The following SMCO4 variants were observed in gnomAD, a reference collection of about 807,000 sequenced individuals.
SMCO4 encodes single-pass membrane protein with coiled-coil domains 4.
A neutral mutation model predicts 3.6 loss-of-function variants in SMCO4; 4 were observed. The ratio of observed to expected loss-of-function variants is 1.11; its 90% CI spans 0.54 to 2.53. SMCO4 has a LOEUF of 2.53. Among genes scored for constraint, SMCO4 ranks in the 30% most tolerant of loss-of-function variants. SMCO4 has a pLI of 0.02. For missense variants in SMCO4, 70 were observed against 80.8 expected, an observed-to-expected ratio of 0.87 and a Z score of 0.51; for synonymous variants, 36 against 35.3, an observed-to-expected ratio of 1.02 and a Z score of -0.07.
chr11:93,545,484 G>A (rs1226496086), upstream of SMCO4, among the ~76,000 whole-genome samples: 1 of 150,936 alleles, frequency 6.6e-6, no homozygotes, highest in African/African-American at 2.4e-5. Context: ...CTACTTGGGA[G>A]GCCTGAGGCA....
intron 1 of SMCO4, among the ~76,000 whole-genome samples, chr11:93,524,035 G>C (rs180765646): frequency 2.9e-4 from 44 of 152,290 alleles, no homozygotes; most frequent in Admixed American, 2.9e-3. Context: ...ATGCCCTTCA[G>C]GGGAGGGGAG....
chr11:93,513,820 G>A (rs957301347), intron 1 of SMCO4, among the ~76,000 whole-genome samples: 5 of 152,224 alleles, frequency 3.3e-5, no homozygotes, highest in East Asian at 3.8e-4. Context: ...AGACTGCTCC[G>A]TGAGGGGGAC....
Position 93,479,016 on chromosome 11 carries a change from G to A in SMCO4, c.174C>T (p.Thr58=), listed in dbSNP as rs148900515. Residue 58 remains threonine, a synonymous_variant, in exon 3 of 3, where the codon ACC becomes ACT. Coordinates refer to ENST00000298966, the MANE Select transcript of SMCO4 (RefSeq NM_020179.3). ...CCGCAGCCGGCTGCGGGGCTCACTC[G>A]GTGATGGTGGGGCGCGTGGCCACGT... ...FVYVATRPTI[T]E The A allele has an allele frequency of 1.9e-4, 301 of 1,605,080 alleles. 1 individual carries two copies. The highest frequency in any genetic ancestry group is 6.2e-4 in the Admixed American group (37 of 59,866).
rs1168392909 is a variant in SMCO4 at position 93,534,190 on chromosome 11, CAAA to C, written c.-154+9083_-154+9085del. On this transcript the variant is annotated intron_variant, in intron 1 of 2. Coordinates refer to ENST00000298966, the MANE Select transcript of SMCO4 (RefSeq NM_020179.3). ...TGGGCGACAAAATGAGACTCCGTCTCAAAAAAAAAAAAAAAATATATATATACA... is the reference window on the plus strand; with the variant it reads ...TGGGCGACAAAATGAGACTCCGTCTCAAAAAAAAAAAAATATATATATACA... Among the ~76,000 whole-genome samples the C allele has an allele frequency of 5.8e-3, 636 of 110,400 alleles. 18 individuals carry two copies. Among genetic ancestry groups the C allele is most frequent in the South Asian group, 0.04 (147 of 3,670 alleles). 72.4% of individuals were successfully genotyped at this position (110,400 alleles called of 152,430 possible).
At chr11:93,537,327 A>C (rs1949235392) in intron 1 of SMCO4, among the ~76,000 whole-genome samples, 1 of 152,224 alleles carries the variant, frequency 6.6e-6, no homozygotes, top group African/African-American at 2.4e-5. Flanking sequence ...CCACTTCGGC[A>C]AACAGCCCAG....
At chr11:93,553,742 T>C in the SMCO4 span, among the ~76,000 whole-genome samples, 1 of 152,250 alleles carries the variant, frequency 6.6e-6, no homozygotes, top group Non-Finnish European at 1.5e-5. Flanking sequence ...CTGTATGCTT[T>C]AGTTTCTTCA....
At chr11:93,517,257 AG>A (rs1407892705) in intron 1 of SMCO4, among the ~76,000 whole-genome samples, 1 of 152,192 alleles carries the variant, frequency 6.6e-6, no homozygotes, top group Non-Finnish European at 1.5e-5. Context: ...CAGAGAGCTC[AG>A]GAAGGGAAGT....
chr11:93,538,743 A>T (rs1425130255), intron 1 of SMCO4, among the ~76,000 whole-genome samples: 1 of 152,180 alleles, frequency 6.6e-6, no homozygotes, highest in African/African-American at 2.4e-5. Context: ...ATCCAAAGGC[A>T]CTAAGCTCTA....
upstream of SMCO4, among the ~76,000 whole-genome samples, chr11:93,544,214 C>T (rs552704339): frequency 3.3e-5 from 5 of 152,316 alleles, no homozygotes; most frequent in East Asian, 9.6e-4. Context: ...AAGTTCTTTA[C>T]GCAGCCCCGA....
At chr11:93,518,764 T>C (rs1406003209) in intron 1 of SMCO4, among the ~76,000 whole-genome samples, 1 of 152,178 alleles carries the variant, frequency 6.6e-6, no homozygotes, top group Non-Finnish European at 1.5e-5. Flanking sequence ...CTCCAGGATA[T>C]TTTTAACAAA....
intron 2 of SMCO4, among the ~76,000 whole-genome samples, chr11:93,492,229 G>C (rs1178652325): frequency 6.6e-6 from 1 of 152,200 alleles, no homozygotes; most frequent in Non-Finnish European, 1.5e-5. Context: ...ACCATGCACA[G>C]ATTCATTTAC....
chr11:93,479,017 G>C lies in SMCO4; in HGVS notation c.173C>G (p.Thr58Ser). Residue 58 changes from threonine to serine, a missense_variant, in exon 3 of 3, where the codon ACC (threonine) becomes AGC (serine). By Grantham distance (58) the Thr-to-Ser change is moderately conservative. Coordinates refer to ENST00000298966, the MANE Select transcript of SMCO4 (RefSeq NM_020179.3). Reference sequence around the variant, plus strand: ...CGCAGCCGGCTGCGGGGCTCACTCGGTGATGGTGGGGCGCGTGGCCACGTA... The same window carrying C: ...CGCAGCCGGCTGCGGGGCTCACTCGCTGATGGTGGGGCGCGTGGCCACGTA... ...FVYVATRPTITE is the reference protein window; with the variant it reads ...FVYVATRPTISE 2.5e-6 allele frequency: 4 copies of C among 1,605,972 alleles called. No individual in the cohort carries two copies. Among genetic ancestry groups the C allele is most frequent in the South Asian group, 1.1e-5 (1 of 90,898 alleles).
chr11:93,483,006 G>A (rs933533277), intron 2 of SMCO4, among the ~76,000 whole-genome samples: 2 of 152,188 alleles, frequency 1.3e-5, no homozygotes, highest in Non-Finnish European at 2.9e-5. Context: ...GTCTCTGTAG[G>A]AGCAAGACAA....
At chr11:93,528,101 C>T (rs1949127626) in intron 1 of SMCO4, among the ~76,000 whole-genome samples, 1 of 151,888 alleles carries the variant, frequency 6.6e-6, no homozygotes, top group Admixed American at 6.6e-5. Context: ...AGTACATGCT[C>T]ATTGTAAAAA....
intron 2 of SMCO4, among the ~76,000 whole-genome samples, chr11:93,491,131 G>A (rs1269421903): frequency 6.6e-6 from 1 of 152,184 alleles, no homozygotes; most frequent in East Asian, 1.9e-4. Context: ...TAAAACAGCA[G>A]GTACTAAAAG....
intron 1 of SMCO4, among the ~76,000 whole-genome samples, chr11:93,532,827 G>A (rs1395642296): frequency 2.0e-5 from 3 of 149,258 alleles, no homozygotes; most frequent in Admixed American, 6.6e-5. Context: ...CTCAGTTTCT[G>A]GCACTTTGTT....
chr11:93,513,396 A>AT (rs1267490179), intron 1 of SMCO4, among the ~76,000 whole-genome samples: 1 of 152,194 alleles, frequency 6.6e-6, no homozygotes, highest in African/African-American at 2.4e-5. Context: ...CCATTCTACT[A>AT]TTTTTTTATT....
chr11:93,531,444 C>A (rs946192647), intron 1 of SMCO4, among the ~76,000 whole-genome samples: 7 of 152,182 alleles, frequency 4.6e-5, no homozygotes, highest in Non-Finnish European at 1.0e-4. Context: ...TGGATTGGAA[C>A]TTACACCATT....
At chr11:93,515,838 T>C (rs1949003379) in intron 1 of SMCO4, among the ~76,000 whole-genome samples, 1 of 152,236 alleles carries the variant, frequency 6.6e-6, no homozygotes, top group South Asian at 2.1e-4. Context: ...GCCCTATCTA[T>C]GCTGGGCGGA....
Sources: gnomAD v4.1 joint callset for allele counts (sites outside exome capture counted in the v4.1 genomes callset) on GRCh38, gnomAD v4.1.1 for gene constraint, MANE v1.5 for transcripts, NCBI Gene and HGNC (gene_info 2026-07-23, HGNC 2026-07-21) for gene names.